The following TMEM200A variants were observed in gnomAD, a reference collection of about 807,000 sequenced individuals.
TMEM200A encodes two transmembrane C.
Under a neutral mutation model 24.3 loss-of-function variants are expected in TMEM200A, and 12 were observed. That is an observed-to-expected ratio of 0.49 (90% confidence interval 0.32 to 0.80). The LOEUF (loss-of-function observed/expected upper bound fraction) is 0.80. TMEM200A is among the 30% of genes least tolerant of loss of function. The pLI, the probability that TMEM200A is intolerant of heterozygous loss-of-function variation, is 0.04. For missense variants in TMEM200A, 545 were observed against 614.4 expected (o/e 0.89, Z 1.19); for synonymous variants, 224 against 224.4 (o/e 1.00, Z 0.02).
intron 2 of TMEM200A, among the ~76,000 whole-genome samples, chr6:130,408,918 A>G (rs1292983053): frequency 6.6e-6 from 1 of 152,134 alleles, no homozygotes; most frequent in African/African-American, 2.4e-5. Flanking sequence ...GATCCACTGC[A>G]GCATTCACAC....
intron 2 of TMEM200A, among the ~76,000 whole-genome samples, chr6:130,398,425 A>G (rs1413166086): frequency 6.7e-6 from 1 of 149,780 alleles, no homozygotes; most frequent in Non-Finnish European, 1.5e-5. Context: ...GCTGTAATGA[A>G]CATACCAGTG....
Position 130,441,022 on chromosome 6 carries a change from C to T in TMEM200A, c.600C>T (p.Ser200=), listed in dbSNP as rs1265200390. 6.2e-7 allele frequency: 1 copy of T among 1,613,930 alleles called. No individual in the cohort carries two copies. The highest frequency in any genetic ancestry group is 8.5e-7 in the Non-Finnish European group (1 of 1,179,944). ...GETEVKQNGS[S]CASRLAANTI... is the part of the protein sequence containing the mutation. ...CAGAAGTAAAACAGAATGGGAGCTC[C>T]TGTGCCTCGAGATTGGCAGCAAATA... Residue 200 remains serine, a synonymous_variant, in exon 3 of 3, where the codon TCC becomes TCT. Transcript: ENST00000296978.
intron 2 of TMEM200A, among the ~76,000 whole-genome samples, chr6:130,391,715 T>A (rs1778835284): frequency 1.3e-5 from 2 of 150,434 alleles, no homozygotes; most frequent in African/African-American, 2.4e-5. Context: ...TCACTTCTTT[T>A]AAACCTTCAA....
rs377226438 is a variant in TMEM200A, at chr6:130,442,155, G to C, written c.*257G>C. ...TCTTTTATTAATATGAATGCAAAAT[G>C]CTTGCATCCAAATTAAAGCTTATTT... On this transcript the variant is annotated 3_prime_UTR_variant, in exon 3 of 3. Transcript: ENST00000296978. 1.2e-5 allele frequency: 4 copies of C among 335,316 alleles called. No homozygotes were observed. In the East Asian group the frequency reaches 1.6e-4, roughly 13 times the overall value. The allele number at this position is 335,316 out of a possible 1,614,324, so 20.8% of individuals were successfully genotyped here.
intron 2 of TMEM200A, chr6:130,437,482 C>T (rs1270466075): frequency 6.6e-6 from 1 of 152,066 alleles, no homozygotes; most frequent in Non-Finnish European, 1.5e-5. Context: ...ACATTGGGAC[C>T]CTGAGTGATA....
intron 2 of TMEM200A, among the ~76,000 whole-genome samples, chr6:130,431,536 G>C (rs1321960358): frequency 6.6e-6 from 1 of 152,172 alleles, no homozygotes; most frequent in Non-Finnish European, 1.5e-5. Flanking sequence ...GATTTGAGGA[G>C]TTGGGATGTG....
chr6:130,433,380 C>T lies in TMEM200A; in HGVS notation c.-16-7027C>T, dbSNP rs565819299. Among the ~76,000 whole-genome samples, 59 of 152,240 alleles carry T rather than the reference C, an allele frequency of 3.9e-4. 1 individual carries two copies. In the South Asian group the frequency reaches 9.7e-3, roughly 25 times the overall value. On this transcript the variant is annotated intron_variant, in intron 2 of 2. Transcript: ENST00000296978. Reference sequence around the variant, plus strand: ...CTTGAACTCCTGACCTCAGGTGATCCGCCTGCCTCGGCCTCCCAAAGTTTT... The same window carrying T: ...CTTGAACTCCTGACCTCAGGTGATCTGCCTGCCTCGGCCTCCCAAAGTTTT...
chr6:130,420,210 T>G (rs1235075109), intron 2 of TMEM200A, among the ~76,000 whole-genome samples: 1 of 152,174 alleles, frequency 6.6e-6, no homozygotes, highest in Non-Finnish European at 1.5e-5. Flanking sequence ...TTTTATTTCT[T>G]TATATATAAC....
At chr6:130,378,297 T>C (rs112728231) in intron 1 of TMEM200A, among the ~76,000 whole-genome samples, 8 of 151,932 alleles carry the variant, frequency 5.3e-5, no homozygotes, top group Admixed American at 2.0e-4. Context: ...CCCTTACTTT[T>C]ATTGCTAGTC....
chr6:130,388,507 T>C (rs1201759659), intron 2 of TMEM200A, among the ~76,000 whole-genome samples: 3 of 152,222 alleles, frequency 2.0e-5, no homozygotes, highest in African/African-American at 7.2e-5. Flanking sequence ...TAAATGTGGA[T>C]TCTCGCTTGT....
At chr6:130,391,745 T>C (rs1474341766) in intron 2 of TMEM200A, among the ~76,000 whole-genome samples, 31 of 134,280 alleles carry the variant, frequency 2.3e-4, no homozygotes, top group African/African-American at 7.9e-4. Flanking sequence ...TTTTTTTTTT[T>C]TTTTTTTTTT....
intron 2 of TMEM200A, among the ~76,000 whole-genome samples, chr6:130,420,446 T>C (rs1402892144): frequency 6.6e-6 from 1 of 152,108 alleles, no homozygotes; most frequent in Admixed American, 6.6e-5. Context: ...GGGGAAGGGA[T>C]CATGTCATGT....
chr6:130,434,885 CA>C (rs932102900), intron 2 of TMEM200A, among the ~76,000 whole-genome samples: 2 of 151,992 alleles, frequency 1.3e-5, no homozygotes, highest in African/African-American at 4.8e-5. Flanking sequence ...AGATGATCTC[CA>C]AGACCCACAA....
Position 130,399,758 on chromosome 6 carries a change from A to G in TMEM200A, c.-17+14522A>G, listed in dbSNP as rs1390121333. Among the ~76,000 whole-genome samples the G allele has an allele frequency of 4.0e-5, 6 of 149,234 alleles. No homozygotes were observed. The East Asian group carries it at 1.2e-3, about 29-fold the overall frequency. On this transcript the variant is annotated intron_variant, in intron 2 of 2. Transcript: ENST00000296978. ...CATAAGTAAGTTCTTTATAGTGGTG[A>G]TTTGTGAGATTTTGGTGCACCCACC...
At chr6:130,367,583 A>T (rs1301114621) in intron 1 of TMEM200A, among the ~76,000 whole-genome samples, 1 of 152,224 alleles carries the variant, frequency 6.6e-6, no homozygotes, top group East Asian at 1.9e-4. Flanking sequence ...AAGCATTATC[A>T]TTTTGTGAAA....
chr6:130,399,109 T>A (rs1456091238), intron 2 of TMEM200A, among the ~76,000 whole-genome samples: 1 of 152,048 alleles, frequency 6.6e-6, no homozygotes, highest in Non-Finnish European at 1.5e-5. Context: ...AAGTTCCCAC[T>A]CCCTTTAACT....
intron 2 of TMEM200A, chr6:130,438,852 G>C (rs1303637202): frequency 6.6e-6 from 1 of 152,224 alleles, no homozygotes. Context: ...CTTGCATAGG[G>C]TGCAGTGGGT....
chr6:130,368,495 A>G (rs1405615984), intron 1 of TMEM200A, among the ~76,000 whole-genome samples: 1 of 152,230 alleles, frequency 6.6e-6, no homozygotes, highest in Non-Finnish European at 1.5e-5. Flanking sequence ...CAAACCTGCA[A>G]TGAGATGGAC....
intron 2 of TMEM200A, among the ~76,000 whole-genome samples, chr6:130,415,116 G>A (rs2115169108): frequency 6.6e-6 from 1 of 152,134 alleles, no homozygotes; most frequent in Admixed American, 6.5e-5. Flanking sequence ...CACCCTATGT[G>A]GAATGCAATT....
Sources: gnomAD v4.1 joint callset for allele counts (sites outside exome capture counted in the v4.1 genomes callset) on GRCh38, gnomAD v4.1.1 for gene constraint, MANE v1.5 for transcripts, NCBI Gene and HGNC (gene_info 2026-07-23, HGNC 2026-07-21) for gene names.